Variants in TGIF2 observed in about 807,000 individuals in gnomAD.
TGIF2 encodes TGFB induced factor homeobox 2, also known as homeobox protein TGIF2.
In TGIF2, 5 loss-of-function variants were observed where a neutral mutation model predicts 15.1. The ratio of observed to expected loss-of-function variants is 0.33; its 90% CI spans 0.17 to 0.70. The LOEUF (loss-of-function observed/expected upper bound fraction) is 0.70. Among genes scored for constraint, TGIF2 ranks in the 30% least tolerant of loss-of-function variants. The pLI is 0.67. For synonymous variants in TGIF2, 131 were observed against 128.9 expected (o/e 1.02, Z -0.11); for missense variants, 264 against 302.5 (o/e 0.87, Z 0.94).
At chr20:36,588,661 C>G (rs1385988389) in intron 2 of TGIF2, among the ~76,000 whole-genome samples, 1 of 152,152 alleles carries the variant, frequency 6.6e-6, no homozygotes, top group Non-Finnish European at 1.5e-5. Context: ...GACCCCAGAG[C>G]CAGGGCCCCT....
chr20:36,574,140 G>A (rs1384082470), intron 1 of TGIF2, among the ~76,000 whole-genome samples: 1 of 151,162 alleles, frequency 6.6e-6, no homozygotes, highest in East Asian at 2.0e-4. Flanking sequence ...CGCCGAGCCG[G>A]ACAGGGGGCG....
At position 36,591,681 on chromosome 20, in the gene TGIF2, G is replaced by A; in HGVS notation, c.*250G>A. On this transcript the variant is annotated 3_prime_UTR_variant, in exon 3 of 3. Coordinates refer to ENST00000373872, the MANE Select transcript of TGIF2 (RefSeq NM_021809.7). The surrounding 1 kb of genome is among the most constrained non-coding windows in gnomAD (Gnocchi z 5.3). ...AGACCAAGAGATCGGAGACAAGCAT[G>A]GTGCTGCTGCTTCTGCTGCTTCTCC... is the stretch of plus-strand genomic sequence containing the variant. The A allele has an allele frequency of 2.5e-6, 1 of 396,626 alleles. No homozygotes were observed. 24.6% of individuals were successfully genotyped at this position (396,626 alleles called of 1,614,324 possible). A position where few individuals can be genotyped will look rare whatever the true frequency, so the allele number is the denominator to read the frequency against.
At chr20:36,584,552 A>ATT (rs776849143) in intron 2 of TGIF2, among the ~76,000 whole-genome samples, 9 of 145,426 alleles carry the variant, frequency 6.2e-5, no homozygotes, top group South Asian at 2.2e-4. Context: ...TTATTAATTA[A>ATT]TTTTTTTTTT....
At chr20:36,573,969 C>T (rs2038356300) in intron 1 of TGIF2, among the ~76,000 whole-genome samples, 1 of 151,646 alleles carries the variant, frequency 6.6e-6, no homozygotes, top group East Asian at 2.0e-4. Flanking sequence ...TTCCAGCCCC[C>T]GGGAGGAAGC....
chr20:36,588,860 C>T (rs1367972645), intron 2 of TGIF2, among the ~76,000 whole-genome samples: 1 of 152,186 alleles, frequency 6.6e-6, no homozygotes, highest in East Asian at 1.9e-4. Flanking sequence ...TTCAGTCAAG[C>T]CACCGTTTAG....
chr20:36,590,154 A>G (rs1742102274), intron 2 of TGIF2, among the ~76,000 whole-genome samples: 1 of 151,114 alleles, frequency 6.6e-6, no homozygotes, highest in South Asian at 2.1e-4. Flanking sequence ...ATGTGGTTTC[A>G]CCATGTTGCC....
At chr20:36,582,493 A>G (rs2038567686) in intron 2 of TGIF2, among the ~76,000 whole-genome samples, 1 of 152,220 alleles carries the variant, frequency 6.6e-6, no homozygotes, top group Admixed American at 6.5e-5. Flanking sequence ...TGCTGACTGC[A>G]CTGCAGGATG....
Position 36,591,718 on chromosome 20 carries a change from G to C in TGIF2, c.*287G>C. The stretch of plus-strand genomic sequence containing the variant: ...TCTGCTGCTTCTCCAGAAAATCCCT[G>C]GGACACCTTTGTTCCAGCCTGGTTT... On this transcript the variant is annotated 3_prime_UTR_variant, in exon 3 of 3. Transcript: ENST00000373872. This position sits in a 1 kb window ranked among gnomAD's most constrained non-coding sequence, Gnocchi z 5.3. 1 of 309,116 alleles carries C rather than the reference G, an allele frequency of 3.2e-6. No individual in the cohort carries two copies. 19.1% of individuals were successfully genotyped at this position (309,116 alleles called of 1,614,324 possible).
chr20:36,585,237 C>G lies in TGIF2; in HGVS notation c.193-5673C>G, dbSNP rs1569532500. On this transcript the variant is annotated intron_variant, in intron 2 of 2. Coordinates refer to ENST00000373872, the MANE Select transcript of TGIF2 (RefSeq NM_021809.7). Reference sequence around the variant, plus strand: ...AAAAAGCTAGGCACAGTGTCTCACGCCTGTAATCCCAACACTTTGGGAGGC... The same window carrying G: ...AAAAAGCTAGGCACAGTGTCTCACGGCTGTAATCCCAACACTTTGGGAGGC... Among the ~76,000 whole-genome samples the G allele has an allele frequency of 3.1e-4, 47 of 151,910 alleles. 1 individual carries two copies. In the South Asian group the frequency reaches 9.8e-3, roughly 32 times the overall value.
intron 2 of TGIF2, among the ~76,000 whole-genome samples, chr20:36,587,009 G>A (rs1393269203): frequency 6.6e-6 from 1 of 152,090 alleles, no homozygotes. Context: ...CGGCTTTCCG[G>A]TTCCCAGCCT....
intron 2 of TGIF2, among the ~76,000 whole-genome samples, chr20:36,588,025 C>G (rs1284209474): frequency 6.6e-6 from 1 of 151,580 alleles, no homozygotes; most frequent in African/African-American, 2.4e-5. Flanking sequence ...AACTGTGATT[C>G]CACCACTGCA....
chr20:36,591,269 A>T lies in TGIF2; in HGVS notation c.552A>T (p.Pro184=). Residue 184 remains proline, a synonymous_variant, in exon 3 of 3, where the codon CCA becomes CCT. Coordinates refer to ENST00000373872, the MANE Select transcript of TGIF2 (RefSeq NM_021809.7). The surrounding 1 kb of genome is among the most constrained non-coding windows in gnomAD (Gnocchi z 5.3). ...CAGGTGGACTCTTCAACACGCCACC[A>T]CCCACACCCCCAGAGCAGGACAAAG... ...SPTGGLFNTP[P]PTPPEQDKED... 6.2e-7 allele frequency: 1 copy of T among 1,614,160 alleles called. No homozygotes were observed. Among genetic ancestry groups the T allele is most frequent in the Non-Finnish European group, 8.5e-7 (1 of 1,180,036 alleles).
intron 2 of TGIF2, among the ~76,000 whole-genome samples, chr20:36,582,822 T>C (rs1395807819): frequency 2.0e-5 from 3 of 152,234 alleles, no homozygotes; most frequent in African/African-American, 7.2e-5. Flanking sequence ...GCTGCACACC[T>C]GTCTGGTAAC....
intron 2 of TGIF2, among the ~76,000 whole-genome samples, chr20:36,579,591 A>G (rs968860063): frequency 3.9e-5 from 6 of 152,196 alleles, no homozygotes; most frequent in African/African-American, 1.4e-4. Flanking sequence ...TTCAGCCCCC[A>G]GCCCCAACGC....
intron 2 of TGIF2, among the ~76,000 whole-genome samples, chr20:36,589,839 C>A (rs534030519): frequency 1.3e-5 from 2 of 152,084 alleles, no homozygotes; most frequent in South Asian, 4.2e-4. Flanking sequence ...CAGACACGCA[C>A]CACCATACCC....
At chr20:36,587,911 CA>C (rs777572706) in intron 2 of TGIF2, among the ~76,000 whole-genome samples, 2 of 149,822 alleles carry the variant, frequency 1.3e-5, no homozygotes, top group South Asian at 2.1e-4. Context: ...CAAAAAATAC[CA>C]AAAAAAAAGT....
In TGIF2 at chr20:36,582,136, G is replaced by A. The variant is rs923915458; in HGVS notation, c.192+3170G>A. The stretch of plus-strand genomic sequence containing the variant: ...TGTACTCTCAGCTACTCAGGAGGCT[G>A]AGGCAGGAGAATCACTTTTGAACCC... On this transcript the variant is annotated intron_variant, in intron 2 of 2. Transcript: ENST00000373872. Among the ~76,000 whole-genome samples, 3 of 152,092 alleles carry A rather than the reference G, an allele frequency of 2.0e-5. No individual in the cohort carries two copies. The East Asian group carries it at 5.9e-4, about 30-fold the overall frequency.
In TGIF2 at chr20:36,591,380, A is replaced by C. The variant is rs200681657; in HGVS notation, c.663A>C (p.Ser221=). 1 of 1,613,686 alleles carries C rather than the reference A, an allele frequency of 6.2e-7. No homozygotes were observed. Among genetic ancestry groups the C allele is most frequent in the Non-Finnish European group, 8.5e-7 (1 of 1,179,920 alleles). ...EMELQKQQDP[S]LPLLHTPIPL... The stretch of plus-strand genomic sequence containing the variant: ...AGCTTCAGAAGCAGCAGGACCCATC[A>C]CTCCCATTACTGCACACTCCCATCC... Residue 221 remains serine (S), a synonymous_variant, in exon 3 of 3, where the codon TCA becomes TCC. Transcript: ENST00000373872. The surrounding 1 kb of genome is among the most constrained non-coding windows in gnomAD (Gnocchi z 5.3).
chr20:36,584,814 GA>G (rs2038621347), intron 2 of TGIF2, among the ~76,000 whole-genome samples: 1 of 152,154 alleles, frequency 6.6e-6, no homozygotes, highest in Non-Finnish European at 1.5e-5. Context: ...AAAGTGCTGG[GA>G]TTACAGGCGT....
Sources: gnomAD v4.1 joint callset for allele counts (sites outside exome capture counted in the v4.1 genomes callset) on GRCh38, gnomAD v4.1.1 for gene constraint, Gnocchi (gnomAD v3.1) non-coding constraint, MANE v1.5 for transcripts, NCBI Gene and HGNC (gene_info 2026-07-23, HGNC 2026-07-21) for gene names.